CPEB4: variants seen among roughly 807,000 people sequenced by gnomAD.
CPEB4 encodes the protein cytoplasmic polyadenylation element binding protein 4, also known as cytoplasmic polyadenylation element-binding protein 4.
A neutral mutation model predicts 72.5 loss-of-function variants in CPEB4; 12 were observed. The ratio of observed to expected loss-of-function variants is 0.17; its 90% CI spans 0.11 to 0.27. The LOEUF (loss-of-function observed/expected upper bound fraction) is 0.27, where lower values mean the gene tolerates loss of function less well. Ranked by LOEUF, CPEB4 falls within the 10% of genes least tolerant of loss-of-function variation. The pLI is 1.00. For missense variants in CPEB4, 614 were observed against 908.5 expected (o/e 0.68, Z 4.17); for synonymous variants, 302 against 326.3 (o/e 0.93, Z 0.80).
At position 173,932,445 on chromosome 5, in the gene CPEB4, T is replaced by G; in HGVS notation, c.1208-5T>G. ...AACTTAGTAACGGCCTTCTTTTACCTTCAGGTCGTCTAAACTATTCATATC... is the reference window on the plus strand; with the variant it reads ...AACTTAGTAACGGCCTTCTTTTACCGTCAGGTCGTCTAAACTATTCATATC... On this transcript the variant is annotated splice_polypyrimidine_tract_variant and splice_region_variant and intron_variant, in intron 2 of 9. Transcript: ENST00000265085. The G allele has an allele frequency of 6.2e-7, 1 of 1,610,034 alleles. No homozygotes were observed.
chr5:173,913,896 G>A (rs756139061), intron 2 of CPEB4, among the ~76,000 whole-genome samples: 9 of 152,182 alleles, frequency 5.9e-5, no homozygotes, highest in African/African-American at 2.2e-4. Context: ...ATAATATGAT[G>A]CAGCTATAGA....
rs537912727 is a variant in CPEB4 at position 173,949,532 on chromosome 5, G to A, written c.1481G>A (p.Arg494His). The change falls in exon 6 of 10, where the codon CGC becomes CAC. Residue 494 changes from arginine to histidine, a missense_variant. Transcript: ENST00000265085. ...GATGAGATCACAGCTAGTTTTCGTC[G>A]CTTTGGCCCTCTGATTGTGGATTGG... ...DEDEITASFR[R>H]FGPLIVDWPH... 2.0e-5 allele frequency: 32 copies of A among 1,612,952 alleles called. No individual in the cohort carries two copies. The highest frequency in any genetic ancestry group is 6.7e-5 in the African/African-American group (5 of 74,832).
At chr5:173,922,228 C>CTCTT (rs1474655277) in intron 2 of CPEB4, among the ~76,000 whole-genome samples, 1 of 151,668 alleles carries the variant, frequency 6.6e-6, no homozygotes, top group Non-Finnish European at 1.5e-5. Flanking sequence ...TTTTCTCTTT[C>CTCTT]TCTTTCTTTC....
At chr5:173,947,458 C>T (rs9313662) in intron 5 of CPEB4, among the ~76,000 whole-genome samples, 45,765 of 151,682 alleles carry the variant, frequency 0.3, 7,313 homozygotes, top group South Asian at 0.47. Context: ...GAAATAAGGG[C>T]GAGAAGACCC....
In CPEB4 at chr5:173,956,737, CTG is replaced by C. The variant is rs1298845375; in HGVS notation, c.*601_*602del. ...AGAGCAAACAAATGCATAAGCAAGA[CTG>C]AGCAGCATTATAATTAATTTTCAGG... is the stretch of plus-strand genomic sequence containing the variant. On this transcript the variant is annotated 3_prime_UTR_variant, in exon 10 of 10. Coordinates refer to ENST00000265085, the MANE Select transcript of CPEB4 (RefSeq NM_030627.4). 4 of 150,460 alleles carry C rather than the reference CTG, an allele frequency of 2.7e-5. No homozygotes were observed. Among genetic ancestry groups the C allele is most frequent in the Non-Finnish European group, 4.4e-5 (3 of 67,776 alleles). The allele number at this position is 150,460 out of a possible 1,614,324, so 9.3% of individuals were successfully genotyped here.
At chr5:173,943,600 G>A (rs951837826) in intron 4 of CPEB4, among the ~76,000 whole-genome samples, 8 of 152,080 alleles carry the variant, frequency 5.3e-5, no homozygotes, top group Non-Finnish European at 7.4e-5. Flanking sequence ...TTTCGTAGAG[G>A]TACCTGAATA....
chr5:173,950,211 G>C lies in CPEB4; in HGVS notation c.1665+133G>C. On this transcript the variant is annotated intron_variant, in intron 7 of 9. Transcript: ENST00000265085. The surrounding 1 kb of genome is among the most constrained non-coding windows in gnomAD (Gnocchi z 5.0). ...GTTTGTAAGCAGACTAAGTAGTCTT[G>C]TTGTGAAGTTCTTAACATTGACATT... The C allele has an allele frequency of 1.8e-6, 1 of 556,490 alleles. No individual in the cohort carries two copies. The highest frequency in any genetic ancestry group is 3.2e-6 in the Non-Finnish European group (1 of 317,014). 34.5% of individuals were successfully genotyped at this position (556,490 alleles called of 1,614,324 possible).
At chr5:173,942,686 GTTA>G (rs1757888526) in intron 3 of CPEB4, among the ~76,000 whole-genome samples, 1 of 152,154 alleles carries the variant, frequency 6.6e-6, no homozygotes. Flanking sequence ...GAGAGAAAAC[GTTA>G]TTAATATGGT....
intron 1 of CPEB4, among the ~76,000 whole-genome samples, chr5:173,907,751 T>C (rs1006401065): frequency 2.0e-5 from 3 of 152,246 alleles, no homozygotes; most frequent in African/African-American, 7.2e-5. Context: ...TAACCAGTTT[T>C]ACATCATGAC....
At chr5:173,934,943 T>A (rs1279210002) in intron 3 of CPEB4, among the ~76,000 whole-genome samples, 1 of 152,202 alleles carries the variant, frequency 6.6e-6, no homozygotes, top group Admixed American at 6.5e-5. Context: ...CTTAGTAGCT[T>A]TGCTCTCACT....
At chr5:173,936,146 G>C (rs1757614146) in intron 3 of CPEB4, among the ~76,000 whole-genome samples, 1 of 152,072 alleles carries the variant, frequency 6.6e-6, no homozygotes, top group Admixed American at 6.5e-5. Flanking sequence ...GCTACTTTTT[G>C]GGTGCTCTAT....
At position 173,960,766 on chromosome 5, in the gene CPEB4, T is replaced by A. The variant is rs560090766; in HGVS notation, c.*4629T>A. 7.7e-4 allele frequency: 117 copies of A among 152,294 alleles called. No individual in the cohort carries two copies. The highest frequency in any genetic ancestry group is 2.6e-3 in the African/African-American group (107 of 41,548). 9.4% of individuals were successfully genotyped at this position (152,294 alleles called of 1,614,324 possible). On this transcript the variant is annotated 3_prime_UTR_variant, in exon 10 of 10. Coordinates refer to ENST00000265085, the MANE Select transcript of CPEB4 (RefSeq NM_030627.4). ...CTACCAAAGGGCTTGAAAACAAGTCTCTTTTGACTTCCAATTCCCAGTTCC... is the reference window on the plus strand; with the variant it reads ...CTACCAAAGGGCTTGAAAACAAGTCACTTTTGACTTCCAATTCCCAGTTCC...
At position 173,956,902 on chromosome 5, in the gene CPEB4, T is replaced by C. The variant is rs965109036; in HGVS notation, c.*765T>C. On this transcript the variant is annotated 3_prime_UTR_variant, in exon 10 of 10. Transcript: ENST00000265085. ...TTTTTAAAATTCAGAATGTAAAAAT[T>C]GGGTAAATTTACTACTGAGGGGAGT... is the stretch of plus-strand genomic sequence containing the variant. 1 of 152,600 alleles carries C rather than the reference T, an allele frequency of 6.6e-6. No individual in the cohort carries two copies. Among genetic ancestry groups the C allele is most frequent in the Admixed American group, 6.5e-5 (1 of 15,270 alleles). 9.5% of individuals were successfully genotyped at this position (152,600 alleles called of 1,614,324 possible).
intron 1 of CPEB4, among the ~76,000 whole-genome samples, chr5:173,892,273 G>GTTTTTTTTTTTT (rs1174165818): frequency 2.0e-5 from 1 of 49,738 alleles, no homozygotes; most frequent in African/African-American, 6.6e-5. Flanking sequence ...TTCTAAAAAC[G>GTTTTTTTTTTTT]ATTTTTTTTT....
Position 173,961,704 on chromosome 5 carries a change from A to G in CPEB4, c.*5567A>G, listed in dbSNP as rs1047849712. 2.8e-5 allele frequency: 4 copies of G among 142,986 alleles called. No homozygotes were observed. The highest frequency in any genetic ancestry group is 4.0e-4 in the East Asian group (2 of 5,036). 8.9% of individuals were successfully genotyped at this position (142,986 alleles called of 1,614,324 possible). The stretch of plus-strand genomic sequence containing the variant: ...TCCACAGCTAGATCAGAAAGTAAGT[A>G]CTTTTTCTAGGGATTTTTTTTTTTT... On this transcript the variant is annotated 3_prime_UTR_variant, in exon 10 of 10. Coordinates refer to ENST00000265085, the MANE Select transcript of CPEB4 (RefSeq NM_030627.4).
At chr5:173,934,355 G>A (rs1438619490) in intron 3 of CPEB4, among the ~76,000 whole-genome samples, 1 of 152,078 alleles carries the variant, frequency 6.6e-6, no homozygotes, top group Non-Finnish European at 1.5e-5. Flanking sequence ...AACTTTAAGA[G>A]AAGACTAGAT....
At chr5:173,924,765 C>T (rs941581392) in intron 2 of CPEB4, among the ~76,000 whole-genome samples, 4 of 152,220 alleles carry the variant, frequency 2.6e-5, no homozygotes, top group Non-Finnish European at 5.9e-5. Flanking sequence ...ACTGCATCTT[C>T]CATGGCAGAG....
At position 173,889,895 on chromosome 5, in the gene CPEB4, C is replaced by T; in HGVS notation, c.162C>T (p.Ser54=). Residue 54 remains serine (S), a synonymous_variant, in exon 1 of 10, where the codon AGC becomes AGT. Transcript: ENST00000265085. The part of the protein sequence containing the change: ...FINNNTAANG[S]SAGSAWLFPA... ...ATAATAACACAGCTGCCAATGGCAG[C>T]AGTGCTGGGTCAGCTTGGCTTTTTC... 1 of 1,614,182 alleles carries T rather than the reference C, an allele frequency of 6.2e-7. No homozygotes were observed. Among genetic ancestry groups the T allele is most frequent in the Non-Finnish European group, 8.5e-7 (1 of 1,180,022 alleles).
chr5:173,915,146 C>T lies in CPEB4; in HGVS notation c.1207+4542C>T, dbSNP rs368644614. On this transcript the variant is annotated intron_variant, in intron 2 of 9. Coordinates refer to ENST00000265085, the MANE Select transcript of CPEB4 (RefSeq NM_030627.4). ...GGTTAAAAAACTTTATTTTTACTAT[C>T]AACAAAATGCTTAATAGTCCTAGGA... Among the ~76,000 whole-genome samples the T allele has an allele frequency of 9.9e-5, 15 of 152,224 alleles. No homozygotes were observed. The East Asian group carries it at 2.7e-3, about 27-fold the overall frequency.
Sources: gnomAD v4.1 joint callset for allele counts (sites outside exome capture counted in the v4.1 genomes callset) on GRCh38, gnomAD v4.1.1 for gene constraint, Gnocchi (gnomAD v3.1) non-coding constraint, MANE v1.5 for transcripts, NCBI Gene and HGNC (gene_info 2026-07-23, HGNC 2026-07-21) for gene names.